HNF4G: variants seen among roughly 807,000 people sequenced by gnomAD.
The protein encoded by HNF4G is hepatocyte nuclear factor 4 gamma.
A neutral mutation model predicts 50.9 loss-of-function variants in HNF4G; 21 were observed. The ratio of observed to expected loss-of-function variants is 0.41; its 90% CI spans 0.29 to 0.59. The LOEUF is 0.59. HNF4G is among the 20% of genes least tolerant of loss of function. The pLI is 0.26. For missense variants in HNF4G, 527 were observed against 559.4 expected (o/e 0.94, Z 0.58); for synonymous variants, 198 against 185.6 (o/e 1.07, Z -0.54).
chr8:75,467,317 C>T (rs1812010574), intron 1 of HNF4G, among the ~76,000 whole-genome samples: 1 of 152,162 alleles, frequency 6.6e-6, no homozygotes, highest in South Asian at 2.1e-4. Context: ...ACTGGAATGG[C>T]CACATTCCTA....
At chr8:75,537,732 G>A (rs887302730), upstream of HNF4G, among the ~76,000 whole-genome samples, 1 of 151,778 alleles carries the variant, frequency 6.6e-6, no homozygotes, top group Non-Finnish European at 1.5e-5. Flanking sequence ...TAAAAAACTA[G>A]AAATCAAAGG....
chr8:75,530,793 G>T (rs1482377540), intron 2 of HNF4G, among the ~76,000 whole-genome samples: 1 of 73,458 alleles, frequency 1.4e-5, no homozygotes, highest in African/African-American at 1.2e-4. Flanking sequence ...TGTTCAATGT[G>T]CTTTTTTTTT....
chr8:75,429,757 T>C (rs374447310), intron 1 of HNF4G, among the ~76,000 whole-genome samples: 150 of 152,308 alleles, frequency 9.8e-4, no homozygotes, highest in African/African-American at 3.4e-3. Flanking sequence ...GCTAGAATCA[T>C]AGCATTTCAT....
chr8:75,487,110 A>G (rs1313906219), intron 1 of HNF4G, among the ~76,000 whole-genome samples: 3 of 152,208 alleles, frequency 2.0e-5, no homozygotes, highest in Admixed American at 1.3e-4. Flanking sequence ...ATTTCTGAAT[A>G]ATATAAATGC....
intron 1 of HNF4G, among the ~76,000 whole-genome samples, chr8:75,463,755 T>G (rs1485892885): frequency 6.6e-6 from 1 of 151,882 alleles, no homozygotes; most frequent in African/African-American, 2.4e-5. Context: ...CCAACTATTC[T>G]TTTTGTGAAT....
chr8:75,543,657 G>A (rs918186212), intron 1 of HNF4G, among the ~76,000 whole-genome samples, 154 bp from the exon 2 acceptor site: 13 of 152,296 alleles, frequency 8.5e-5, no homozygotes, highest in Non-Finnish European at 1.9e-4. Flanking sequence ...AGCTTAGAAC[G>A]GAAGCAGCCA....
intron 2 of HNF4G, 52 bp from the exon 3 acceptor site, chr8:75,547,535 C>G: frequency 3.2e-6 from 4 of 1,250,978 alleles, no homozygotes; most frequent in Non-Finnish European, 4.6e-6. Context: ...TGTTTATTTG[C>G]TTCTTTTGTA....
At chr8:75,464,940 G>C (rs1039012991) in intron 1 of HNF4G, among the ~76,000 whole-genome samples, 6 of 152,172 alleles carry the variant, frequency 3.9e-5, no homozygotes, top group Admixed American at 3.9e-4. Context: ...AAGGAATGAG[G>C]CATGATGTAA....
At chr8:75,413,039 G>T (rs566804882) in intron 1 of HNF4G, among the ~76,000 whole-genome samples, 1 of 152,018 alleles carries the variant, frequency 6.6e-6, no homozygotes, top group South Asian at 2.1e-4. Flanking sequence ...GAGTAGAGAA[G>T]AATTAGAAAA....
intron 2 of HNF4G, among the ~76,000 whole-genome samples, chr8:75,524,833 A>G (rs750836794): frequency 1.3e-5 from 2 of 152,254 alleles, no homozygotes; most frequent in Admixed American, 1.3e-4. Context: ...TGTTAAGAAT[A>G]TAAGTGTGCG....
chr8:75,444,444 T>C (rs1003648813), intron 1 of HNF4G, among the ~76,000 whole-genome samples: 3 of 143,656 alleles, frequency 2.1e-5, no homozygotes, highest in African/African-American at 7.9e-5. Context: ...ACTTTAAATG[T>C]AAATGGACTA....
chr8:75,548,442 T>A (rs1806855270), intron 3 of HNF4G, among the ~76,000 whole-genome samples: 2 of 152,190 alleles, frequency 1.3e-5, no homozygotes, highest in South Asian at 4.1e-4. Flanking sequence ...GTGCTAAAGC[T>A]TCAATAGTGA....
At chr8:75,523,852 A>G (rs571393336) in intron 2 of HNF4G, among the ~76,000 whole-genome samples, 1 of 152,106 alleles carries the variant, frequency 6.6e-6, no homozygotes, top group South Asian at 2.1e-4. Context: ...ATTTTTATAG[A>G]AGTATTGGTA....
intron 2 of HNF4G, among the ~76,000 whole-genome samples, chr8:75,532,998 C>A (rs1389729812): frequency 6.6e-6 from 1 of 151,904 alleles, no homozygotes; most frequent in Non-Finnish European, 1.5e-5. Flanking sequence ...ATCATGATTA[C>A]TTGATTATAA....
intron 1 of HNF4G, among the ~76,000 whole-genome samples, chr8:75,541,293 T>A (rs1212635012): frequency 6.6e-6 from 1 of 152,150 alleles, no homozygotes; most frequent in Non-Finnish European, 1.5e-5. Context: ...GTGTAACTTG[T>A]TTGTTTGTAA....
At chr8:75,460,728 C>T (rs992529851) in intron 1 of HNF4G, among the ~76,000 whole-genome samples, 1 of 152,114 alleles carries the variant, frequency 6.6e-6, no homozygotes, top group African/African-American at 2.4e-5. Flanking sequence ...ATTGCCTCTT[C>T]CCCAAAGAGG....
upstream of HNF4G, among the ~76,000 whole-genome samples, chr8:75,539,180 G>A (rs2130780956): frequency 1.3e-5 from 2 of 152,238 alleles, no homozygotes; most frequent in East Asian, 3.9e-4. Flanking sequence ...TCAGTTTAAT[G>A]ACATCAGAAT....
chr8:75,516,849 T>C (rs553236916), intron 2 of HNF4G, among the ~76,000 whole-genome samples: 9 of 152,326 alleles, frequency 5.9e-5, no homozygotes, highest in African/African-American at 2.2e-4. Context: ...TGTTAAGTCT[T>C]TTTTGTCTGA....
At chr8:75,472,401 A>G (rs1418740079) in intron 1 of HNF4G, among the ~76,000 whole-genome samples, 2 of 152,160 alleles carry the variant, frequency 1.3e-5, no homozygotes, top group African/African-American at 2.4e-5. Context: ...AACTTTGTGC[A>G]GTAGAATTTG....
Sources: gnomAD v4.1 joint callset for allele counts (sites outside exome capture counted in the v4.1 genomes callset) on GRCh38, gnomAD v4.1.1 for gene constraint, MANE v1.5 for transcripts, NCBI Gene and HGNC (gene_info 2026-07-23, HGNC 2026-07-21) for gene names.